The following CNTNAP2 variants were observed in gnomAD, a reference collection of about 807,000 sequenced individuals.
CNTNAP2 encodes the protein contactin-associated protein-like 2.
CNTNAP2 carries 98 observed loss-of-function variants against 155.2 expected under a neutral mutation model. The observed-to-expected ratio is 0.63, with a 90% confidence interval of 0.54 to 0.75. The LOEUF (loss-of-function observed/expected upper bound fraction) is 0.75. Ranked by LOEUF, CNTNAP2 falls within the 30% of genes least tolerant of loss-of-function variation. CNTNAP2 has a pLI of 0.00. For synonymous variants in CNTNAP2, 651 were observed against 631.2 expected, an observed-to-expected ratio of 1.03 and a Z score of -0.47; for missense variants, 1,727 against 1,688.1, an observed-to-expected ratio of 1.02 and a Z score of -0.40.
chr7:146,553,286 A>G (rs1798148347), intron 1 of CNTNAP2, among the ~76,000 whole-genome samples: 1 of 152,078 alleles, frequency 6.6e-6, no homozygotes, highest in African/African-American at 2.4e-5. Context: ...GAAGAAGTCT[A>G]TAGAAAACTC....
At chr7:147,594,287 A>G (rs1041453141) in intron 12 of CNTNAP2, among the ~76,000 whole-genome samples, 7 of 152,042 alleles carry the variant, frequency 4.6e-5, no homozygotes, top group African/African-American at 1.7e-4. Flanking sequence ...CACCATGCCC[A>G]GCTACCCTCT....
chr7:147,520,425 G>C (rs1584787972), intron 11 of CNTNAP2, among the ~76,000 whole-genome samples: 1 of 152,302 alleles, frequency 6.6e-6, no homozygotes, highest in African/African-American at 2.4e-5. Context: ...TGCCCTGTAA[G>C]TATTATGCTT....
Position 146,780,416 on chromosome 7 carries a change from C to T in CNTNAP2, c.208+6035C>T, listed in dbSNP as rs577653121. ...ATGTTAGCCAGGATCGTCTCAATCT[C>T]CTGACCTTGTGATCCACCCGCCTCG... On this transcript the variant is annotated intron_variant, in intron 2 of 23. Transcript: ENST00000361727. 1.9e-4 allele frequency among the ~76,000 whole-genome samples: 29 copies of T among 152,180 alleles called. 1 individual carries two copies. Among genetic ancestry groups the T allele is most frequent in the Middle Eastern group, 6.8e-3 (2 of 294 alleles).
chr7:147,468,852 TTCC>T (rs200709798), intron 10 of CNTNAP2, among the ~76,000 whole-genome samples: 22 of 146,528 alleles, frequency 1.5e-4, no homozygotes, highest in African/African-American at 5.0e-4. Flanking sequence ...TTTTTTTTTT[TTCC>T]CCCCAGACAG....
chr7:147,462,021 C>T (rs1798034493), intron 10 of CNTNAP2, among the ~76,000 whole-genome samples: 1 of 152,146 alleles, frequency 6.6e-6, no homozygotes, highest in African/African-American at 2.4e-5. Flanking sequence ...AGTCGATTCC[C>T]TGCATACACA....
chr7:146,374,836 G>A (rs568583380), intron 1 of CNTNAP2, among the ~76,000 whole-genome samples: 1 of 152,128 alleles, frequency 6.6e-6, no homozygotes, highest in African/African-American at 2.4e-5. Flanking sequence ...TTATGATTTT[G>A]TAAATGGAAT....
At chr7:147,858,352 G>T (rs894978945) in intron 13 of CNTNAP2, among the ~76,000 whole-genome samples, 1 of 152,140 alleles carries the variant, frequency 6.6e-6, no homozygotes, top group Non-Finnish European at 1.5e-5. Flanking sequence ...CTCCCAAAGT[G>T]CTGGGATGAC....
At chr7:147,972,955 A>T (rs1801359729) in intron 14 of CNTNAP2, among the ~76,000 whole-genome samples, 1 of 151,908 alleles carries the variant, frequency 6.6e-6, no homozygotes. Context: ...GTTTGGGACC[A>T]CTCTGGGCAC....
intron 3 of CNTNAP2, among the ~76,000 whole-genome samples, chr7:146,852,976 CAG>C (rs1467699662): frequency 4.6e-5 from 7 of 152,258 alleles, no homozygotes; most frequent in Admixed American, 1.3e-4. Context: ...AATTGGAAAA[CAG>C]AGCTGTGTAT....
Position 148,172,255 on chromosome 7 carries a change from C to G in CNTNAP2, c.2787C>G (p.Gly929=). The G allele has an allele frequency of 6.2e-7, 1 of 1,613,820 alleles. No individual in the cohort carries two copies. Among genetic ancestry groups the G allele is most frequent in the Non-Finnish European group, 8.5e-7 (1 of 1,179,992 alleles). ...TGTCATTCCCAGGTGGTGCTGGGGGCCAGCAGGGCTTCCTGGGCTGCATCC... is the reference window on the plus strand; with the variant it reads ...TGTCATTCCCAGGTGGTGCTGGGGGGCAGCAGGGCTTCCTGGGCTGCATCC... ...YSQLFVGGAG[G]QQGFLGCIRS... is the part of the protein sequence containing the mutation. Residue 929 remains glycine (G), a synonymous_variant, in exon 18 of 24, where the codon GGC becomes GGG. Transcript: ENST00000361727.
intron 20 of CNTNAP2, among the ~76,000 whole-genome samples, chr7:148,258,069 G>A (rs544850292): frequency 1.3e-5 from 2 of 152,296 alleles, no homozygotes; most frequent in African/African-American, 4.8e-5. Context: ...AAATTAACTG[G>A]AAGGTTTATT....
intron 10 of CNTNAP2, among the ~76,000 whole-genome samples, chr7:147,421,101 A>G (rs895642037): frequency 1.3e-5 from 2 of 152,210 alleles, no homozygotes; most frequent in South Asian, 2.1e-4. Context: ...ACCTTTATGC[A>G]TTACATATTA....
chr7:147,182,621 TA>T (rs146741746), intron 8 of CNTNAP2, among the ~76,000 whole-genome samples: 2 of 151,528 alleles, frequency 1.3e-5, no homozygotes, highest in South Asian at 2.1e-4. Context: ...AGTATCTTTT[TA>T]AAAAAAAACC....
intron 1 of CNTNAP2, among the ~76,000 whole-genome samples, chr7:146,163,529 ATATATATCTATATC>A (rs1457387622): frequency 8.5e-6 from 1 of 117,464 alleles, no homozygotes; most frequent in Non-Finnish European, 1.8e-5. Flanking sequence ...ATATATATCT[ATATATATCTATATC>A]TATATATCTA....
intron 4 of CNTNAP2, among the ~76,000 whole-genome samples, chr7:147,090,090 A>T (rs1362672764): frequency 6.6e-6 from 1 of 152,170 alleles, no homozygotes; most frequent in African/African-American, 2.4e-5. Flanking sequence ...ACAGTAAGGG[A>T]GGGTCCCATA....
At chr7:147,584,127 G>A (rs567059525) in intron 12 of CNTNAP2, among the ~76,000 whole-genome samples, 1 of 152,264 alleles carries the variant, frequency 6.6e-6, no homozygotes, top group East Asian at 1.9e-4. Context: ...GAAATTTGGG[G>A]AATGGCTCAA....
At chr7:148,092,164 C>T (rs1803856290) in intron 15 of CNTNAP2, among the ~76,000 whole-genome samples, 1 of 152,184 alleles carries the variant, frequency 6.6e-6, no homozygotes, top group South Asian at 2.1e-4. Context: ...ACCCAGTCTG[C>T]TTTATTTCCT....
chr7:147,749,748 G>T (rs17133837), intron 13 of CNTNAP2, among the ~76,000 whole-genome samples: 1,674 of 152,258 alleles, frequency 0.011, 96 homozygotes, highest in Admixed American at 0.087. Flanking sequence ...CCAAAAGAGA[G>T]AGTCTGTGTT....
intron 10 of CNTNAP2, among the ~76,000 whole-genome samples, chr7:147,482,909 C>T (rs1179467671): frequency 6.7e-6 from 1 of 149,268 alleles, no homozygotes; most frequent in Non-Finnish European, 1.5e-5. Flanking sequence ...AGCTGGATGT[C>T]GTGGTACACA....
Sources: allele counts gnomAD v4.1 joint callset (sites outside exome capture counted in the v4.1 genomes callset), GRCh38; gene constraint gnomAD v4.1.1; transcripts MANE v1.5; gene names NCBI Gene and HGNC (gene_info 2026-07-23, HGNC 2026-07-21).